The following CLVS1 variants were observed in gnomAD, a reference collection of about 807,000 sequenced individuals.
The protein encoded by CLVS1 is clavesin-1.
In CLVS1, 10 loss-of-function variants were observed where a neutral mutation model predicts 33.1. The ratio of observed to expected loss-of-function variants is 0.30; its 90% CI spans 0.19 to 0.51. CLVS1 has a LOEUF of 0.51. Ranked by LOEUF, CLVS1 falls within the 20% of genes least tolerant of loss-of-function variation. CLVS1 has a pLI of 0.97. For missense variants in CLVS1, 343 were observed against 433.4 expected, an observed-to-expected ratio of 0.79 and a Z score of 1.85; for synonymous variants, 163 against 166.1, an observed-to-expected ratio of 0.98 and a Z score of 0.14.
rs375065992 is a variant in CLVS1, at chr8:61,432,253, G to A, written c.631-21888G>A. Among the ~76,000 whole-genome samples, 46 of 152,186 alleles carry A rather than the reference G, an allele frequency of 3.0e-4. No individual in the cohort carries two copies. The Middle Eastern group carries it at 0.01, about 34-fold the overall frequency. On this transcript the variant is annotated intron_variant, in intron 3 of 5. Transcript: ENST00000325897. ...GACTAGACCTCACCTATTATCAAGGGGTAAAATCTTTGCTGGATCCCATGA... is the reference window on the plus strand; with the variant it reads ...GACTAGACCTCACCTATTATCAAGGAGTAAAATCTTTGCTGGATCCCATGA...
At position 61,376,509 on chromosome 8, in the gene CLVS1, A is replaced by G. The variant is rs59810823; in HGVS notation, c.456-96A>G. ...CAGTGTGACCCTCCAGGCGGGGTTC[A>G]TGGAGCAGTGGCATGCGGAGGCCAG... On this transcript the variant is annotated intron_variant, in intron 2 of 5. Transcript: ENST00000325897. 4.1e-3 allele frequency: 4,770 copies of G among 1,167,616 alleles called. 156 individuals carry two copies. The African/African-American group carries it at 0.064, about 16-fold the overall frequency. The allele number at this position is 1,167,616 out of a possible 1,614,324, so 72.3% of individuals were successfully genotyped here.
At chr8:61,477,420 A>G (rs1323359308) in intron 5 of CLVS1, among the ~76,000 whole-genome samples, 3 of 152,092 alleles carry the variant, frequency 2.0e-5, no homozygotes, top group African/African-American at 7.2e-5. Context: ...CTGTGAATCC[A>G]TCTGGTCCTG....
At chr8:61,001,473 T>C in the CLVS1 span, among the ~76,000 whole-genome samples, 1 of 152,260 alleles carries the variant, frequency 6.6e-6, no homozygotes, top group Non-Finnish European at 1.5e-5. Context: ...TATTTTGCTT[T>C]CATAAGATTT....
intron 2 of CLVS1, among the ~76,000 whole-genome samples, chr8:61,221,245 C>T (rs1272776912): frequency 6.6e-6 from 1 of 152,202 alleles, no homozygotes; most frequent in Non-Finnish European, 1.5e-5. Flanking sequence ...TGAAAGAGGG[C>T]ATCCTTTTCT....
the CLVS1 span, among the ~76,000 whole-genome samples, chr8:61,017,347 G>A: frequency 1.3e-5 from 2 of 152,224 alleles, no homozygotes; most frequent in South Asian, 4.1e-4. Flanking sequence ...ATGGTATGCC[G>A]TGGGTGCCTT....
At chr8:61,412,119 C>T (rs144104421) in intron 3 of CLVS1, among the ~76,000 whole-genome samples, 52 of 152,274 alleles carry the variant, frequency 3.4e-4, no homozygotes, top group African/African-American at 1.1e-3. Flanking sequence ...GCATTCACAC[C>T]ACACTAGGTC....
At chr8:61,352,045 T>C (rs976688262) in intron 2 of CLVS1, among the ~76,000 whole-genome samples, 1 of 152,064 alleles carries the variant, frequency 6.6e-6, no homozygotes, top group Non-Finnish European at 1.5e-5. Flanking sequence ...ATCTTTTATC[T>C]CATGAGTTTT....
chr8:61,192,846 C>T (rs377667277), intron 2 of CLVS1, among the ~76,000 whole-genome samples: 66 of 145,536 alleles, frequency 4.5e-4, no homozygotes, highest in African/African-American at 1.5e-3. Flanking sequence ...GTTAGAATGG[C>T]GATCATTAAA....
intron 3 of CLVS1, among the ~76,000 whole-genome samples, chr8:61,444,046 G>C (rs1373826894): frequency 6.6e-6 from 1 of 151,992 alleles, no homozygotes; most frequent in East Asian, 1.9e-4. Flanking sequence ...TGTTGGTATA[G>C]AGAAATATAA....
chr8:61,112,799 CT>C (rs149797760), intron 1 of CLVS1, among the ~76,000 whole-genome samples: 3,015 of 151,220 alleles, frequency 0.02, 94 homozygotes, highest in African/African-American at 0.064. Context: ...CTGTAGTTTC[CT>C]TTTTTTTTAG....
intron 5 of CLVS1, among the ~76,000 whole-genome samples, chr8:61,473,741 G>A (rs1418904145): frequency 2.6e-5 from 4 of 152,168 alleles, no homozygotes; most frequent in Non-Finnish European, 5.9e-5. Flanking sequence ...GTGGATATTG[G>A]GATGAAGGTA....
the CLVS1 span, among the ~76,000 whole-genome samples, chr8:60,976,147 A>G: frequency 3.3e-5 from 5 of 152,122 alleles, no homozygotes; most frequent in Non-Finnish European, 7.3e-5. Context: ...TTACCAGCAT[A>G]TTTCATACTT....
intron 5 of CLVS1, among the ~76,000 whole-genome samples, chr8:61,475,267 G>T (rs1817878819): frequency 6.6e-6 from 1 of 152,244 alleles, no homozygotes; most frequent in Non-Finnish European, 1.5e-5. Flanking sequence ...GCGTGTGCAT[G>T]TGTCTTTATA....
intron 2 of CLVS1, among the ~76,000 whole-genome samples, chr8:61,233,695 C>T (rs1390588190): frequency 6.6e-6 from 1 of 152,252 alleles, no homozygotes; most frequent in Admixed American, 6.5e-5. Flanking sequence ...CAGGTCTCCT[C>T]TCCTGCAGCC....
intron 3 of CLVS1, among the ~76,000 whole-genome samples, chr8:61,381,924 G>A (rs1813896360): frequency 6.6e-6 from 1 of 152,140 alleles, no homozygotes; most frequent in Non-Finnish European, 1.5e-5. Context: ...CTTTGTGGTA[G>A]AATGATTTAT....
chr8:61,182,375 A>T (rs903656901), intron 2 of CLVS1, among the ~76,000 whole-genome samples: 1 of 152,204 alleles, frequency 6.6e-6, no homozygotes, highest in Non-Finnish European at 1.5e-5. Flanking sequence ...AAAAGAAACT[A>T]TCATCAGAGT....
At chr8:61,112,490 T>C (rs1805647029) in intron 1 of CLVS1, among the ~76,000 whole-genome samples, 1 of 152,250 alleles carries the variant, frequency 6.6e-6, no homozygotes, top group African/African-American at 2.4e-5. Context: ...TTCCACATTT[T>C]TACAAGTTTG....
intron 5 of CLVS1, among the ~76,000 whole-genome samples, chr8:61,461,767 T>A (rs1164964581): frequency 1.3e-5 from 2 of 152,338 alleles, no homozygotes; most frequent in Non-Finnish European, 1.5e-5. Flanking sequence ...TTGGTGGGTA[T>A]GTGCCTTTAA....
chr8:61,432,172 A>T (rs145580449), intron 3 of CLVS1, among the ~76,000 whole-genome samples: 36 of 152,338 alleles, frequency 2.4e-4, no homozygotes, highest in African/African-American at 7.2e-4. Context: ...AATTCGAATG[A>T]GGAAGTGTGA....
Sources: allele counts gnomAD v4.1 joint callset (sites outside exome capture counted in the v4.1 genomes callset), GRCh38; gene constraint gnomAD v4.1.1; transcripts MANE v1.5; gene names NCBI Gene and HGNC (gene_info 2026-07-23, HGNC 2026-07-21).